Variants in SRRM4 observed in about 807,000 individuals in gnomAD.
The protein encoded by SRRM4 is serine/arginine repetitive matrix 4.
A neutral mutation model predicts 68.9 loss-of-function variants in SRRM4; 33 were observed. The ratio of observed to expected loss-of-function variants is 0.48; its 90% CI spans 0.36 to 0.64. The LOEUF (loss-of-function observed/expected upper bound fraction) is 0.64, where lower values mean the gene tolerates loss of function less well. SRRM4 is among the 30% of genes least tolerant of loss of function. The pLI is 0.00. For synonymous variants in SRRM4, 318 were observed against 318.8 expected (o/e 1.00, Z 0.03); for missense variants, 817 against 827.1 (o/e 0.99, Z 0.15).
intron 1 of SRRM4, among the ~76,000 whole-genome samples, chr12:119,012,975 T>G (rs1201729346): frequency 6.6e-6 from 1 of 152,150 alleles, no homozygotes; most frequent in Non-Finnish European, 1.5e-5. Context: ...GTAATGCTAT[T>G]TACTCTCAGC....
chr12:119,039,149 C>G (rs891070372), intron 1 of SRRM4, among the ~76,000 whole-genome samples: 9 of 152,366 alleles, frequency 5.9e-5, no homozygotes, highest in Admixed American at 3.3e-4. Context: ...CATCACCAAA[C>G]TGGGGCACCA....
At chr12:119,056,168 G>A (rs1173752591) in intron 1 of SRRM4, among the ~76,000 whole-genome samples, 1 of 152,192 alleles carries the variant, frequency 6.6e-6, no homozygotes, top group Non-Finnish European at 1.5e-5. Flanking sequence ...CTCCAAAACA[G>A]CCTGCATGAT....
At chr12:119,144,718 C>T (rs1198113211) in intron 8 of SRRM4, among the ~76,000 whole-genome samples, 1 of 151,552 alleles carries the variant, frequency 6.6e-6, no homozygotes, top group Admixed American at 6.6e-5. Context: ...TTTTTGTCCC[C>T]TCCTTTCTTT....
intron 1 of SRRM4, among the ~76,000 whole-genome samples, chr12:119,047,195 T>A (rs903027295): frequency 1.3e-5 from 2 of 152,210 alleles, no homozygotes; most frequent in African/African-American, 4.8e-5. Flanking sequence ...CCACAAATTT[T>A]ATAAGATGAT....
At chr12:118,987,471 C>G (rs1953289973) in intron 1 of SRRM4, among the ~76,000 whole-genome samples, 1 of 152,202 alleles carries the variant, frequency 6.6e-6, no homozygotes, top group African/African-American at 2.4e-5. Flanking sequence ...CCCTAAAGAG[C>G]CACTGGAGAT....
intron 8 of SRRM4, among the ~76,000 whole-genome samples, chr12:119,140,486 A>G (rs1782166409): frequency 6.6e-6 from 1 of 152,062 alleles, no homozygotes; most frequent in Non-Finnish European, 1.5e-5. Flanking sequence ...AACCATGCCT[A>G]CTTTATACTC....
chr12:119,095,076 A>T (rs1954035080), intron 1 of SRRM4, among the ~76,000 whole-genome samples: 1 of 152,218 alleles, frequency 6.6e-6, no homozygotes, highest in Non-Finnish European at 1.5e-5. Flanking sequence ...TCAAGCCACA[A>T]TGGCAAAGCT....
rs776426944 is a variant in SRRM4 at position 119,102,344 on chromosome 12, C to T, written c.240C>T (p.Asp80=). The change falls in exon 2 of 13, where the codon GAC becomes GAT. Residue 80 remains aspartate, a synonymous_variant. Coordinates refer to ENST00000267260, the MANE Select transcript of SRRM4 (RefSeq NM_194286.4). Reference sequence around the variant, plus strand: ...TGGGCACCAACAGTTGGGAGAGAGACAAGACCTGTCGGGAACTGGGTGCCA... The same window carrying T: ...TGGGCACCAACAGTTGGGAGAGAGATAAGACCTGTCGGGAACTGGGTGCCA... ...EPLGTNSWER[D]KTCRELGATR... 2 of 1,613,256 alleles carry T rather than the reference C, an allele frequency of 1.2e-6. No individual in the cohort carries two copies. Among genetic ancestry groups the T allele is most frequent in the Admixed American group, 1.7e-5 (1 of 59,938 alleles).
chr12:119,020,682 A>G (rs558999783), intron 1 of SRRM4, among the ~76,000 whole-genome samples: 33 of 152,356 alleles, frequency 2.2e-4, no homozygotes, highest in African/African-American at 7.2e-4. Flanking sequence ...TGTTAAAGAC[A>G]GGCCCGGTGT....
Position 119,130,695 on chromosome 12 carries a change from C to G in SRRM4, c.632C>G (p.Pro211Arg). 17 of 1,611,320 alleles carry G rather than the reference C, an allele frequency of 1.1e-5. No individual in the cohort carries two copies. The highest frequency in any genetic ancestry group is 1.4e-5 in the Non-Finnish European group (17 of 1,179,656). ...ATCCCCAGGCACCGCGGCCGGTCCC[C>G]TGAGGAAGGGCAGAAGTCCCGCCGA... The part of the protein sequence containing the change: ...SCESRHRGRS[P>R]EEGQKSRRRH... The change falls in exon 8 of 13, where the codon CCT becomes CGT. Residue 211 changes from proline (P) to arginine (R), a missense_variant. Physicochemically the swap from Pro to Arg is moderately radical, Grantham distance 103. Coordinates refer to ENST00000267260, the MANE Select transcript of SRRM4 (RefSeq NM_194286.4).
chr12:119,031,708 C>A (rs571361417), intron 1 of SRRM4, among the ~76,000 whole-genome samples: 2 of 152,098 alleles, frequency 1.3e-5, no homozygotes, highest in South Asian at 4.2e-4. Context: ...GATAGGAAAA[C>A]CATGATATCC....
At chr12:119,092,852 C>T (rs893267937) in intron 1 of SRRM4, among the ~76,000 whole-genome samples, 1 of 151,954 alleles carries the variant, frequency 6.6e-6, no homozygotes, top group Non-Finnish European at 1.5e-5. Context: ...CCTGTGAAAG[C>T]CCACCAGATT....
chr12:119,052,980 C>T (rs1953754489), intron 1 of SRRM4, among the ~76,000 whole-genome samples: 1 of 152,178 alleles, frequency 6.6e-6, no homozygotes, highest in African/African-American at 2.4e-5. Context: ...GAGGTGGCTG[C>T]ATAGAAGCAG....
chr12:119,044,809 C>G (rs563025727), intron 1 of SRRM4, among the ~76,000 whole-genome samples: 111 of 152,194 alleles, frequency 7.3e-4, no homozygotes, highest in Non-Finnish European at 1.4e-3. Context: ...CCTGAGACCC[C>G]CAACAGAGTT....
At chr12:119,112,384 T>C (rs1954150309) in intron 2 of SRRM4, among the ~76,000 whole-genome samples, 1 of 152,198 alleles carries the variant, frequency 6.6e-6, no homozygotes, top group Admixed American at 6.5e-5. Flanking sequence ...TTGTGGAAGA[T>C]GGTGGTTCCT....
intron 1 of SRRM4, among the ~76,000 whole-genome samples, chr12:119,067,058 C>T (rs1333573896): frequency 3.9e-5 from 6 of 152,184 alleles, no homozygotes; most frequent in Admixed American, 3.9e-4. Context: ...CTCTGCCCTT[C>T]TAGTCTCATC....
intron 4 of SRRM4, among the ~76,000 whole-genome samples, chr12:119,118,054 G>A (rs1177115829): frequency 6.6e-6 from 1 of 152,166 alleles, no homozygotes; most frequent in Non-Finnish European, 1.5e-5. Flanking sequence ...GAGTCAGAAG[G>A]TCTGTCTTCT....
intron 8 of SRRM4, among the ~76,000 whole-genome samples, chr12:119,136,875 G>T (rs1565916949): frequency 1.3e-5 from 2 of 151,976 alleles, no homozygotes; most frequent in Non-Finnish European, 1.5e-5. Context: ...GCCTACCAAA[G>T]GTTCAATGCA....
chr12:119,122,897 C>T (rs1954231739), intron 6 of SRRM4, among the ~76,000 whole-genome samples: 1 of 152,166 alleles, frequency 6.6e-6, no homozygotes, highest in Non-Finnish European at 1.5e-5. Flanking sequence ...AAGCTCCTAG[C>T]TCCAGTCTTG....
Sources: allele counts gnomAD v4.1 joint callset (sites outside exome capture counted in the v4.1 genomes callset), GRCh38; gene constraint gnomAD v4.1.1; transcripts MANE v1.5; gene names NCBI Gene and HGNC (gene_info 2026-07-23, HGNC 2026-07-21).